The following DHX36 variants were observed in gnomAD, a reference collection of about 807,000 sequenced individuals.
DHX36 encodes the protein DEAH-box helicase 36, also known as ATP-dependent DNA/RNA helicase DHX36.
A neutral mutation model predicts 139.0 loss-of-function variants in DHX36; 50 were observed. The ratio of observed to expected loss-of-function variants is 0.36; its 90% CI spans 0.29 to 0.46. The LOEUF is 0.46. Among genes scored for constraint, DHX36 ranks in the 20% least tolerant of loss-of-function variants. DHX36 has a pLI of 1.00. For synonymous variants in DHX36, 425 were observed against 401.9 expected (o/e 1.06, Z -0.69); for missense variants, 1,024 against 1,211.3 (o/e 0.85, Z 2.29).
intron 14 of DHX36, 139 bp downstream of exon 14, chr3:154,293,609 G>A (rs916383669): frequency 1.8e-5 from 11 of 595,542 alleles, no homozygotes; most frequent in Non-Finnish European, 3.2e-5. Flanking sequence ...ATAAAACTAT[G>A]CTCACTGCCA....
rs766568571 is a variant in DHX36, at chr3:154,283,243, A to C, written c.2321T>G (p.Phe774Cys). 3 of 1,613,870 alleles carry C rather than the reference A, an allele frequency of 1.9e-6. No homozygotes were observed. The highest frequency in any genetic ancestry group is 8.5e-7 in the Non-Finnish European group (1 of 1,179,770). The change falls in exon 20 of 25, where the codon TTC becomes TGC. Residue 774 changes from phenylalanine to cysteine, a missense_variant. By Grantham distance (205) the Phe-to-Cys change is radical (BLOSUM62 -2). This residue lies in a region of DHX36 where 470 missense variants were observed against 616.2 expected (regional missense o/e 0.76). Coordinates refer to ENST00000496811, the MANE Select transcript of DHX36 (RefSeq NM_020865.3). ...EGWEEARRRG[F>C]RYEKDYCWEY... The stretch of plus-strand genomic sequence containing the variant: ...CCAGCAATAGTCCTTTTCGTATCTG[A>C]AACCACGTCGCCTAGCCTCTTCCCA...
chr3:154,282,645 AGATCTGTTAAATGT>A, intron 20 of DHX36, among the ~76,000 whole-genome samples: 1 of 151,600 alleles, frequency 6.6e-6, no homozygotes, highest in Non-Finnish European at 1.5e-5. Context: ...ACTAATTTGT[AGATCTGTTAAATGT>A]CCAGTATCAG....
In DHX36 at chr3:154,299,862, T is replaced by C. The variant is rs1045735686; in HGVS notation, c.1525A>G (p.Met509Val). 6 of 1,612,870 alleles carry C rather than the reference T, an allele frequency of 3.7e-6. No homozygotes were observed. The highest frequency in any genetic ancestry group is 5.1e-6 in the Non-Finnish European group (6 of 1,179,078). ...CCTGATTTAAACATTACTTGTGACA[T>C]CAAGAGATCATGTAAAGTGCTGATA... Reference protein sequence around the residue: ...DNISTLHDLLMSQVMFKSDKF... With the variant: ...DNISTLHDLLVSQVMFKSDKF... Residue 509 changes from methionine to valine, a missense_variant, in exon 12 of 25, where the codon ATG (methionine) becomes GTG (valine). By Grantham distance (21) the Met-to-Val change is conservative. Coordinates refer to ENST00000496811, the MANE Select transcript of DHX36 (RefSeq NM_020865.3).
intron 18 of DHX36, 24 bp downstream of exon 18, chr3:154,284,790 C>T (rs373836205): frequency 3.7e-6 from 6 of 1,610,122 alleles, no homozygotes; most frequent in Admixed American, 1.7e-5. Context: ...TAAAATAACT[C>T]GGTTTTATTT....
chr3:154,297,281 G>T (rs1210363073), intron 12 of DHX36, among the ~76,000 whole-genome samples: 1 of 152,194 alleles, frequency 6.6e-6, no homozygotes, highest in East Asian at 1.9e-4. Flanking sequence ...ATAAAGACAT[G>T]ATGGTTATAT....
rs140970700 is a variant in DHX36 at position 154,304,819 on chromosome 3, A to G, written c.1122T>C (p.Phe374=). 3.9e-4 allele frequency: 607 copies of G among 1,562,386 alleles called. 7 individuals are homozygous for G. In the East Asian group the frequency reaches 0.014, roughly 35 times the overall value. ...CATTTTACTCACCAAAATATTCTGA[A>G]AACTTTTCTGCATTCAATGTTGCAC... The part of the protein sequence containing the change: ...LMSATLNAEK[F]SEYFGNCPMI... Residue 374 remains phenylalanine (F), a synonymous_variant, in exon 8 of 25, where the codon TTT becomes TTC. Transcript: ENST00000496811.
chr3:154,309,167 GAC>G (rs1198613898), intron 5 of DHX36, among the ~76,000 whole-genome samples: 1 of 151,516 alleles, frequency 6.6e-6, no homozygotes, highest in East Asian at 1.9e-4. Context: ...CAGCTTAAGT[GAC>G]AAAATAAGAC....
chr3:154,290,872 C>T (rs764813514), intron 15 of DHX36, among the ~76,000 whole-genome samples: 6 of 151,272 alleles, frequency 4.0e-5, no homozygotes, highest in Non-Finnish European at 5.9e-5. Context: ...CGGTGGCTCA[C>T]GCCTGTAATC....
chr3:154,276,968 T>A, intron 23 of DHX36, 69 bp from the exon 24 acceptor site: 1 of 1,278,118 alleles, frequency 7.8e-7, no homozygotes, highest in South Asian at 1.5e-5. Context: ...AATTCAACAA[T>A]ATTACCAGTA....
chr3:154,303,582 T>C (rs1395186186), intron 8 of DHX36, among the ~76,000 whole-genome samples, 172 bp from the exon 9 acceptor site: 1 of 152,154 alleles, frequency 6.6e-6, no homozygotes, highest in Non-Finnish European at 1.5e-5. Flanking sequence ...AAAACAGCAG[T>C]CTAGTCTTCA....
chr3:154,314,973 C>G, intron 3 of DHX36, 73 bp downstream of exon 3: 1 of 1,040,458 alleles, frequency 9.6e-7, no homozygotes, highest in Non-Finnish European at 1.4e-6. Context: ...ATGCAGCTAC[C>G]TCTAACCATA....
At chr3:154,308,474 G>A (rs1203862924) in intron 5 of DHX36, among the ~76,000 whole-genome samples, 2 of 152,054 alleles carry the variant, frequency 1.3e-5, no homozygotes, top group Non-Finnish European at 2.9e-5. Flanking sequence ...ACTGAAATAT[G>A]ACAAGAAACC....
At chr3:154,276,606 A>C in intron 24 of DHX36, 141 bp downstream of exon 24, 1 of 991,390 alleles carries the variant, frequency 1.0e-6, no homozygotes, top group Non-Finnish European at 1.5e-6. Context: ...AATTCAGAAA[A>C]ACCAGGAATC....
Position 154,306,295 on chromosome 3 carries a change from C to G in DHX36, c.814G>C (p.Val272Leu), listed in dbSNP as rs778381631. 1 of 1,611,686 alleles carries G rather than the reference C, an allele frequency of 6.2e-7. No homozygotes were observed. The highest frequency in any genetic ancestry group is 1.7e-5 in the Admixed American group (1 of 60,004). Reference protein sequence around the residue: ...TQPRRISAISVAERVAAERAE... With the variant: ...TQPRRISAISLAERVAAERAE... ...CTTTCTGCAGCTACTCTTTCCGCAA[C>G]CTTTAATTCAAATAAAACATAAAGA... The change falls in exon 6 of 25, where the codon GTT (valine) becomes CTT (leucine). Residue 272 changes from valine (V) to leucine (L), a missense_variant and splice_region_variant. Val to Leu is a conservative substitution (Grantham distance 32). This residue lies in a region of DHX36 where 146 missense variants were observed against 215.0 expected (regional missense o/e 0.68). Transcript: ENST00000496811.
At position 154,299,882 on chromosome 3, in the gene DHX36, C is replaced by T. The variant is rs775904709; in HGVS notation, c.1505G>A (p.Ser502Asn). The T allele has an allele frequency of 8.6e-5, 139 of 1,613,498 alleles. No homozygotes were observed. Among genetic ancestry groups the T allele is most frequent in the Non-Finnish European group, 1.2e-4 (137 of 1,179,650 alleles). The change falls in exon 12 of 25, where the codon AGC becomes AAC. Residue 502 changes from serine (S) to asparagine (N), a missense_variant. Ser to Asn is a conservative substitution (Grantham distance 46). Transcript: ENST00000496811. ...TGACATCAAGAGATCATGTAAAGTGCTGATATTGTCCCAGCCTGGCAGAAA... is the reference window on the plus strand; with the variant it reads ...TGACATCAAGAGATCATGTAAAGTGTTGATATTGTCCCAGCCTGGCAGAAA... Reference protein sequence around the residue: ...LVFLPGWDNISTLHDLLMSQV... With the variant: ...LVFLPGWDNINTLHDLLMSQV...
At chr3:154,284,398 C>T (rs1050526571) in intron 19 of DHX36, among the ~76,000 whole-genome samples, 185 bp downstream of exon 19, 2 of 151,914 alleles carry the variant, frequency 1.3e-5, no homozygotes, top group Admixed American at 6.6e-5. Context: ...CCAGCCTGGT[C>T]TCAAACTCCT....
chr3:154,308,248 T>C (rs577317038), intron 5 of DHX36, among the ~76,000 whole-genome samples: 9 of 152,332 alleles, frequency 5.9e-5, no homozygotes, highest in African/African-American at 2.2e-4. Flanking sequence ...TGAAGTCTAC[T>C]GCTCTTTCTT....
Position 154,315,035 on chromosome 3 carries a change from C to T in DHX36, c.603+11G>A. On this transcript the variant is annotated intron_variant, in intron 3 of 24. Coordinates refer to ENST00000496811, the MANE Select transcript of DHX36 (RefSeq NM_020865.3). Reference sequence around the variant, plus strand: ...AAAATGACAAAATATTTTTTGACATCTTTCTACTACCTGCATTTCAATATA... The same window carrying T: ...AAAATGACAAAATATTTTTTGACATTTTTCTACTACCTGCATTTCAATATA... 2 of 1,551,682 alleles carry T rather than the reference C, an allele frequency of 1.3e-6. No individual in the cohort carries two copies. Among genetic ancestry groups the T allele is most frequent in the Non-Finnish European group, 1.8e-6 (2 of 1,138,890 alleles).
At chr3:154,277,767 G>A in intron 22 of DHX36, 49 bp from the exon 23 acceptor site, 3 of 1,495,842 alleles carry the variant, frequency 2.0e-6, no homozygotes, top group South Asian at 1.5e-5. Context: ...TCTTCTAGAG[G>A]ATTTTCTTTT....
Sources: allele counts gnomAD v4.1 joint callset (sites outside exome capture counted in the v4.1 genomes callset), GRCh38; gene constraint gnomAD v4.1.1; regional missense constraint gnomAD v4.1.1; transcripts MANE v1.5; gene names NCBI Gene and HGNC (gene_info 2026-07-23, HGNC 2026-07-21).